Variants in ZFPM2 observed in about 807,000 individuals in gnomAD.
The protein encoded by ZFPM2 is zinc finger protein, FOG family member 2, also known as zinc finger protein ZFPM2.
A neutral mutation model predicts 98.6 loss-of-function variants in ZFPM2; 20 were observed. The observed-to-expected ratio is 0.20, with a 90% CI of 0.14 to 0.29. The LOEUF (loss-of-function observed/expected upper bound fraction) is 0.29. Ranked by LOEUF, ZFPM2 falls within the 10% of genes least tolerant of loss-of-function variation. The pLI is 1.00. For missense variants in ZFPM2, 1,310 were observed against 1,388.6 expected (o/e 0.94, Z 0.90); for synonymous variants, 518 against 502.7 (o/e 1.03, Z -0.41).
intron 4 of ZFPM2, among the ~76,000 whole-genome samples, chr8:105,592,145 G>GA (rs1815859727): frequency 1.3e-5 from 2 of 152,092 alleles, no homozygotes; most frequent in African/African-American, 4.8e-5. Flanking sequence ...ATTTGGATAA[G>GA]AAAGGAGGGA....
intron 5 of ZFPM2, among the ~76,000 whole-genome samples, chr8:105,636,404 A>G (rs1816847543): frequency 6.6e-6 from 1 of 152,166 alleles, no homozygotes; most frequent in Admixed American, 6.6e-5. Context: ...TACATTGATG[A>G]TAATAGCCAC....
chr8:105,405,802 G>A (rs1811440486), intron 1 of ZFPM2, among the ~76,000 whole-genome samples: 1 of 152,016 alleles, frequency 6.6e-6, no homozygotes, highest in Admixed American at 6.6e-5. Flanking sequence ...CCCAGTAATG[G>A]GATGGCTGGG....
rs559410388 is a variant in ZFPM2 at position 105,788,725 on chromosome 8, G to T, written c.540G>T (p.Gln180His). ...CTTTTTTCTTCTTAATAGGGGGTCA[G>T]CTTTGGTGTACAACTACGAAGGCCA... ...NNCIVYSKGG[Q>H]LWCTTTKAIS... is the part of the protein sequence containing the mutation. The change falls in exon 6 of 8, where the codon CAG (glutamine) becomes CAT (histidine). Residue 180 changes from glutamine to histidine, a missense_variant. Coordinates refer to ENST00000407775, the MANE Select transcript of ZFPM2 (RefSeq NM_012082.4). 3.7e-6 allele frequency: 6 copies of T among 1,613,942 alleles called. No homozygotes were observed. The South Asian group carries it at 5.5e-5, about 15-fold the overall frequency.
intron 5 of ZFPM2, among the ~76,000 whole-genome samples, chr8:105,720,979 G>A (rs1036785398): frequency 8.6e-5 from 13 of 151,366 alleles, no homozygotes; most frequent in South Asian, 2.1e-4. Flanking sequence ...AGAGAAAGTC[G>A]AAAAAACTAG....
chr8:105,485,991 G>A (rs926578594), intron 3 of ZFPM2, among the ~76,000 whole-genome samples: 12 of 152,110 alleles, frequency 7.9e-5, no homozygotes, highest in African/African-American at 1.9e-4. Context: ...TCAATAACAC[G>A]GAGATCTATC....
chr8:105,801,339 A>G lies in ZFPM2; in HGVS notation c.1257A>G (p.Glu419=), dbSNP rs1814003225. 6.2e-7 allele frequency: 1 copy of G among 1,613,836 alleles called. No individual in the cohort carries two copies. The highest frequency in any genetic ancestry group is 1.3e-5 in the African/African-American group (1 of 74,912). Residue 419 remains glutamate, a synonymous_variant, in exon 8 of 8, where the codon GAA becomes GAG. Coordinates refer to ENST00000407775, the MANE Select transcript of ZFPM2 (RefSeq NM_012082.4). ...QPATDLLTRS[E]LPQSQKAMQT... ...CCACAGACTTATTGACCAGAAGCGA[A>G]CTTCCCCAGAGCCAAAAGGCCATGC...
chr8:105,525,748 T>C (rs1240161452), intron 3 of ZFPM2, among the ~76,000 whole-genome samples: 2 of 152,174 alleles, frequency 1.3e-5, no homozygotes, highest in African/African-American at 2.4e-5. Context: ...AAAATATATG[T>C]CCCAGTTATC....
chr8:105,718,400 G>C (rs758913253), intron 5 of ZFPM2, among the ~76,000 whole-genome samples: 5 of 151,866 alleles, frequency 3.3e-5, no homozygotes, highest in Non-Finnish European at 7.4e-5. Context: ...GAACTTTAGC[G>C]TATGTCCATT....
At chr8:105,739,863 A>G (rs1812172674) in intron 5 of ZFPM2, among the ~76,000 whole-genome samples, 1 of 152,050 alleles carries the variant, frequency 6.6e-6, no homozygotes, top group Non-Finnish European at 1.5e-5. Context: ...ATGCCCATAC[A>G]AATAATAGAT....
At chr8:105,795,296 T>C (rs1418450133) in intron 6 of ZFPM2, among the ~76,000 whole-genome samples, 1 of 145,142 alleles carries the variant, frequency 6.9e-6, no homozygotes, top group Non-Finnish European at 1.5e-5. Flanking sequence ...TCAATTGTCC[T>C]GGGAGTGTAG....
chr8:105,659,713 G>A (rs1004481090), intron 5 of ZFPM2, among the ~76,000 whole-genome samples: 12 of 152,024 alleles, frequency 7.9e-5, no homozygotes, highest in Non-Finnish European at 1.8e-4. Flanking sequence ...ACCCTTGCCG[G>A]AATATAATTT....
Position 105,700,468 on chromosome 8 carries a change from A to G in ZFPM2, c.532+66111A>G, listed in dbSNP as rs778123503. ...AGATACCTGCTGATAAATTTGTTAC[A>G]TCTTGTGACTTGTATTAAAGCTGGT... is the stretch of plus-strand genomic sequence containing the variant. On this transcript the variant is annotated intron_variant, in intron 5 of 7. Transcript: ENST00000407775. Among the ~76,000 whole-genome samples, 12 of 152,298 alleles carry G rather than the reference A, an allele frequency of 7.9e-5. No individual in the cohort carries two copies. In the South Asian group the frequency reaches 2.5e-3, roughly 32 times the overall value.
intron 5 of ZFPM2, among the ~76,000 whole-genome samples, chr8:105,649,883 A>T (rs1377634637): frequency 1.3e-5 from 2 of 152,202 alleles, no homozygotes; most frequent in African/African-American, 4.8e-5. Flanking sequence ...TATCAGGATG[A>T]TGCTGGCCTC....
chr8:105,364,994 T>C (rs1810480051), intron 1 of ZFPM2, among the ~76,000 whole-genome samples: 1 of 152,140 alleles, frequency 6.6e-6, no homozygotes, highest in East Asian at 1.9e-4. Flanking sequence ...ATTAAACTTT[T>C]CTGTCCTGGG....
chr8:105,349,455 C>T (rs960362321), intron 1 of ZFPM2, among the ~76,000 whole-genome samples: 3 of 152,128 alleles, frequency 2.0e-5, no homozygotes, highest in African/African-American at 7.2e-5. Context: ...AAGGTATAAC[C>T]TGGAATGAGC....
At chr8:105,493,647 G>T (rs1456864774) in intron 3 of ZFPM2, among the ~76,000 whole-genome samples, 4 of 152,126 alleles carry the variant, frequency 2.6e-5, no homozygotes, top group Non-Finnish European at 5.9e-5. Flanking sequence ...CTCTGGCCCT[G>T]CTGTGGTATT....
At chr8:105,758,432 G>A (rs1812656551) in intron 5 of ZFPM2, among the ~76,000 whole-genome samples, 1 of 152,148 alleles carries the variant, frequency 6.6e-6, no homozygotes, top group Admixed American at 6.5e-5. Flanking sequence ...ATCATCTATA[G>A]TTGTGCCATA....
chr8:105,642,759 A>C (rs558043203), intron 5 of ZFPM2, among the ~76,000 whole-genome samples: 1 of 152,296 alleles, frequency 6.6e-6, no homozygotes, highest in South Asian at 2.1e-4. Context: ...TACTTGATGA[A>C]AGATGTATAG....
At chr8:105,400,713 T>C (rs907310579) in intron 1 of ZFPM2, among the ~76,000 whole-genome samples, 2 of 152,132 alleles carry the variant, frequency 1.3e-5, no homozygotes, top group African/African-American at 4.8e-5. Context: ...ATATAACTTT[T>C]TATTCCGTAC....
Sources: gnomAD v4.1 joint callset for allele counts (sites outside exome capture counted in the v4.1 genomes callset) on GRCh38, gnomAD v4.1.1 for gene constraint, MANE v1.5 for transcripts, NCBI Gene and HGNC (gene_info 2026-07-23, HGNC 2026-07-21) for gene names.